DMD: variants seen among roughly 807,000 people sequenced by gnomAD.
DMD encodes mutant dystrophin.
A neutral mutation model predicts 330.1 loss-of-function variants in DMD; 63 were observed. The ratio of observed to expected loss-of-function variants is 0.19; its 90% CI spans 0.16 to 0.24. DMD has a LOEUF of 0.24. Among genes scored for constraint, DMD ranks in the 10% least tolerant of loss-of-function variants. DMD has a pLI of 1.00. For synonymous variants in DMD, 1,223 were observed against 959.8 expected (o/e 1.27, Z -5.07); for missense variants, 3,344 against 2,684.1 (o/e 1.25, Z -5.43).
chrX:31,997,125 T>G (rs932580247), intron 44 of DMD, among the ~76,000 whole-genome samples: 8 of 111,775 alleles, frequency 7.2e-5, no homozygotes, highest in Non-Finnish European at 1.5e-4. Flanking sequence ...AAAATTCTGC[T>G]GCCTGCATTG....
intron 63 of DMD, among the ~76,000 whole-genome samples, chrX:31,255,458 T>C (rs2049843223): frequency 1.8e-5 from 2 of 111,232 alleles, no homozygotes; most frequent in Non-Finnish European, 3.8e-5. Flanking sequence ...ACCCTCTCAA[T>C]AACAAATGAA....
chrX:32,627,148 G>GCCC (rs10543882), intron 11 of DMD, among the ~76,000 whole-genome samples: 10 of 32,887 alleles, frequency 3.0e-4, no homozygotes, highest in African/African-American at 1.2e-3. Flanking sequence ...CCTCTTCCCC[G>GCCC]CCCCCCCCCC....
chrX:31,241,207 C>G (rs1188793951), intron 63 of DMD, among the ~76,000 whole-genome samples: 1 of 111,696 alleles, frequency 9.0e-6, no homozygotes, highest in African/African-American at 3.3e-5. Flanking sequence ...AGTATTTCCT[C>G]TTCAAAATGC....
At chrX:31,769,787 A>G (rs1408943412) in intron 51 of DMD, among the ~76,000 whole-genome samples, 1 of 111,844 alleles carries the variant, frequency 8.9e-6, no homozygotes, top group Non-Finnish European at 1.9e-5. Context: ...CTTATTCTAC[A>G]TGTTCTTGAC....
chrX:33,027,512 C>A (rs1045009366), intron 1 of DMD, among the ~76,000 whole-genome samples: 12 of 112,200 alleles, frequency 1.1e-4, no homozygotes, highest in African/African-American at 3.9e-4. Context: ...AATTTTATAG[C>A]AGCAATAGGA....
chrX:31,725,714 G>C (rs2085981860), intron 52 of DMD, among the ~76,000 whole-genome samples: 1 of 111,831 alleles, frequency 8.9e-6, no homozygotes, highest in African/African-American at 3.2e-5. Context: ...GCATGCTATT[G>C]CTGTATAGCC....
At chrX:31,764,926 T>C (rs1266727412) in intron 51 of DMD, among the ~76,000 whole-genome samples, 1 of 112,116 alleles carries the variant, frequency 8.9e-6, no homozygotes, top group Non-Finnish European at 1.9e-5. Flanking sequence ...TGTGAATTAC[T>C]AAAATTGTAT....
At chrX:31,552,867 A>G (rs2074574679) in intron 55 of DMD, among the ~76,000 whole-genome samples, 1 of 111,837 alleles carries the variant, frequency 8.9e-6, no homozygotes, top group African/African-American at 3.3e-5. Context: ...TGTGATGTAT[A>G]TATAGTGCTG....
chrX:31,211,247 C>T (rs984035094), intron 64 of DMD, among the ~76,000 whole-genome samples: 12 of 111,880 alleles, frequency 1.1e-4, no homozygotes, highest in African/African-American at 2.9e-4. Context: ...GGAGCGAGGT[C>T]CAGAGACAAA....
At chrX:31,203,148 G>A (rs957247187) in intron 67 of DMD, among the ~76,000 whole-genome samples, 6 of 109,166 alleles carry the variant, frequency 5.5e-5, no homozygotes, top group South Asian at 4.2e-4. Flanking sequence ...TTGGGGTGGC[G>A]GTGGGCGCCT....
intron 1 of DMD, among the ~76,000 whole-genome samples, chrX:33,247,098 T>G (rs764348158): frequency 5.4e-5 from 6 of 112,089 alleles, no homozygotes; most frequent in Non-Finnish European, 1.1e-4. Context: ...TTATCAATTT[T>G]AGTTGAATAT....
intron 44 of DMD, among the ~76,000 whole-genome samples, chrX:32,204,976 ATC>A (rs200970973): frequency 0.038 from 1,711 of 45,215 alleles, 81 homozygotes; most frequent in African/African-American, 0.12. Context: ...CATCCAAGCC[ATC>A]TCTCTCTCTC....
intron 49 of DMD, among the ~76,000 whole-genome samples, chrX:31,826,915 T>C (rs17283323): frequency 0.33 from 36,599 of 110,885 alleles, 4,382 homozygotes; most frequent in Middle Eastern, 0.38. Flanking sequence ...CTTTGGGAAT[T>C]CTTTTGTTTG....
At chrX:32,593,530 C>A (rs953859614) in intron 13 of DMD, among the ~76,000 whole-genome samples, 2 of 111,452 alleles carry the variant, frequency 1.8e-5, no homozygotes, top group African/African-American at 3.3e-5. Flanking sequence ...AAGAGGGAGA[C>A]TGAGATATAG....
intron 55 of DMD, among the ~76,000 whole-genome samples, chrX:31,581,420 T>C (rs991537511): frequency 8.9e-6 from 1 of 111,960 alleles, no homozygotes; most frequent in African/African-American, 3.2e-5. Context: ...AAAATAAAGG[T>C]CAAAGTTAAA....
At chrX:32,705,551 T>C (rs1312196181) in intron 7 of DMD, among the ~76,000 whole-genome samples, 1 of 111,853 alleles carries the variant, frequency 8.9e-6, no homozygotes, top group Non-Finnish European at 1.9e-5. Context: ...CTTTAGCTCA[T>C]GCCTGTAATC....
chrX:31,444,640 G>C lies in DMD; in HGVS notation c.8938-13C>G. The stretch of plus-strand genomic sequence containing the variant: ...CTCCTCGAAGTGCCTGTGTGCAATA[G>C]TCAAAAGCAAATTGGAAGATGAGAA... On this transcript the variant is annotated splice_polypyrimidine_tract_variant and intron_variant, in intron 59 of 78. Coordinates refer to ENST00000357033, the MANE Select transcript of DMD (RefSeq NM_004006.3). The C allele has an allele frequency of 8.3e-7, 1 of 1,210,233 alleles. No homozygotes were observed. The highest frequency in any genetic ancestry group is 1.1e-6 in the Non-Finnish European group (1 of 894,292).
intron 12 of DMD, among the ~76,000 whole-genome samples, chrX:32,599,475 T>C (rs1179046590): frequency 9.8e-5 from 11 of 111,808 alleles, no homozygotes; most frequent in African/African-American, 2.9e-4. Context: ...AGGCTATATT[T>C]AATTACAATT....
At chrX:32,587,006 C>A (rs1297889048) in intron 13 of DMD, among the ~76,000 whole-genome samples, 2 of 111,240 alleles carry the variant, frequency 1.8e-5, no homozygotes, top group Non-Finnish European at 3.8e-5. Context: ...AAATTAGGAA[C>A]TAGAGCGAAA....
Sources: allele counts gnomAD v4.1 joint callset (sites outside exome capture counted in the v4.1 genomes callset), GRCh38; gene constraint gnomAD v4.1.1; transcripts MANE v1.5; gene names NCBI Gene and HGNC (gene_info 2026-07-23, HGNC 2026-07-21).